The following ARL13B variants were observed in gnomAD, a reference collection of about 807,000 sequenced individuals.
ARL13B encodes the protein ADP-ribosylation factor-like protein 13B.
A neutral mutation model predicts 56.1 loss-of-function variants in ARL13B; 36 were observed. The observed-to-expected ratio is 0.64, with a 90% CI of 0.49 to 0.85. The LOEUF (loss-of-function observed/expected upper bound fraction) is 0.85. Ranked by LOEUF, ARL13B falls within the 40% of genes least tolerant of loss-of-function variation. The pLI is 0.00. For missense variants in ARL13B, 519 were observed against 507.1 expected, an observed-to-expected ratio of 1.02 and a Z score of -0.23; for synonymous variants, 178 against 171.1, an observed-to-expected ratio of 1.04 and a Z score of -0.32.
At chr3:93,999,198 C>T (rs1368818958) in intron 2 of ARL13B, among the ~76,000 whole-genome samples, 4 of 151,954 alleles carry the variant, frequency 2.6e-5, no homozygotes, top group African/African-American at 7.3e-5. Context: ...GCCTTGGCCT[C>T]CCGAAGTGTT....
At chr3:93,981,077 T>C (rs753270389) in intron 1 of ARL13B, among the ~76,000 whole-genome samples, 6 of 152,360 alleles carry the variant, frequency 3.9e-5, no homozygotes, top group Middle Eastern at 3.4e-3. Context: ...CCAATTTTTA[T>C]ACGGTCTCTA....
At chr3:94,014,326 A>G (rs892143801) in intron 3 of ARL13B, 43 of 1,367,946 alleles carry the variant, frequency 3.1e-5, no homozygotes, top group Non-Finnish European at 4.1e-5. Flanking sequence ...ACAATACAAG[A>G]CACTGAAATA....
intron 6 of ARL13B, among the ~76,000 whole-genome samples, chr3:94,040,384 G>T (rs754717873): frequency 2.0e-5 from 3 of 152,030 alleles, no homozygotes; most frequent in Non-Finnish European, 4.4e-5. Flanking sequence ...ATGCATTAGG[G>T]TACATAAACA....
intron 3 of ARL13B, among the ~76,000 whole-genome samples, chr3:94,005,639 A>G (rs546569769): frequency 6.6e-6 from 1 of 152,242 alleles, no homozygotes; most frequent in Non-Finnish European, 1.5e-5. Flanking sequence ...TCACAAAGAT[A>G]TAAGAATTAA....
intron 1 of ARL13B, chr3:93,988,620 T>A: frequency 2.1e-6 from 1 of 483,972 alleles, no homozygotes; most frequent in Non-Finnish European, 4.1e-6. Context: ...TGATAAGACA[T>A]GGTATATGAT....
intron 3 of ARL13B, among the ~76,000 whole-genome samples, chr3:94,013,067 A>G (rs750330898): frequency 6.6e-6 from 1 of 152,086 alleles, no homozygotes; most frequent in Non-Finnish European, 1.5e-5. Context: ...TTTTCTGACT[A>G]TGCCCCAGCT....
chr3:94,040,237 T>C (rs2076839156), intron 6 of ARL13B, among the ~76,000 whole-genome samples: 1 of 152,212 alleles, frequency 6.6e-6, no homozygotes, highest in East Asian at 1.9e-4. Flanking sequence ...TAAATTTGAC[T>C]GTAGCAATTA....
chr3:94,026,225 G>A (rs1007535560), intron 3 of ARL13B, among the ~76,000 whole-genome samples: 3 of 152,012 alleles, frequency 2.0e-5, no homozygotes, highest in Non-Finnish European at 4.4e-5. Context: ...TTCACCGTGT[G>A]AGCCAGGAGA....
chr3:94,025,203 A>G (rs1412748825), intron 3 of ARL13B, among the ~76,000 whole-genome samples: 1 of 151,392 alleles, frequency 6.6e-6, no homozygotes, highest in East Asian at 1.9e-4. Flanking sequence ...GGAGCCCTTT[A>G]AAATATATTA....
chr3:93,980,335 T>C lies in ARL13B; in HGVS notation c.-89T>C. ...TCCCGACTTATCCACTTTAGGGGCG[T>C]CTCGGAGTGCCGGAGGCCCCCGGGG... On this transcript the variant is annotated 5_prime_UTR_variant, in exon 1 of 10. Transcript: ENST00000394222. 1 of 1,543,382 alleles carries C rather than the reference T, an allele frequency of 6.5e-7. No homozygotes were observed. The highest frequency in any genetic ancestry group is 1.1e-5 in the South Asian group (1 of 89,858).
chr3:94,008,000 A>C (rs2076163221), intron 3 of ARL13B, among the ~76,000 whole-genome samples: 1 of 152,166 alleles, frequency 6.6e-6, no homozygotes, highest in Admixed American at 6.5e-5. Context: ...AACCCTGATA[A>C]GTCACTTTAC....
In ARL13B at chr3:94,053,378, T is replaced by C; in HGVS notation, c.*115T>C. On this transcript the variant is annotated 3_prime_UTR_variant, in exon 10 of 10. Coordinates refer to ENST00000394222, the MANE Select transcript of ARL13B (RefSeq NM_001174150.2). ...GACTGGGGCAAGATAACCATAATAA[T>C]TTTAGTGAGAAGATTAATACTCAAG... is the stretch of plus-strand genomic sequence containing the variant. 1 of 925,180 alleles carries C rather than the reference T, an allele frequency of 1.1e-6. No homozygotes were observed. The highest frequency in any genetic ancestry group is 1.7e-6 in the Non-Finnish European group (1 of 578,232). 57.3% of individuals were successfully genotyped at this position (925,180 alleles called of 1,614,324 possible).
At chr3:94,041,112 T>G (rs1217092308) in intron 6 of ARL13B, among the ~76,000 whole-genome samples, 1 of 152,042 alleles carries the variant, frequency 6.6e-6, no homozygotes, top group Admixed American at 6.6e-5. Flanking sequence ...GATTTTCTCT[T>G]TTTTTCCCCA....
intron 9 of ARL13B, among the ~76,000 whole-genome samples, chr3:94,051,855 C>A (rs778169364): frequency 6.6e-6 from 1 of 151,472 alleles, no homozygotes; most frequent in Non-Finnish European, 1.5e-5. Context: ...TGCTTTTTTC[C>A]CCCAGAATTC....
rs977503731 is a variant in ARL13B at position 94,055,158 on chromosome 3, A to T, written c.*1895A>T. The T allele has an allele frequency of 5.4e-6, 2 of 368,730 alleles. No individual in the cohort carries two copies. The highest frequency in any genetic ancestry group is 1.0e-5 in the Non-Finnish European group (2 of 191,544). The allele number at this position is 368,730 out of a possible 1,614,324, so 22.8% of individuals were successfully genotyped here. A position where few individuals can be genotyped will look rare whatever the true frequency, so the allele number is the denominator to read the frequency against. On this transcript the variant is annotated 3_prime_UTR_variant, in exon 10 of 10. Transcript: ENST00000394222. ...TCCTTAAGCATTTTAAAAACATTTT[A>T]AAAAATGTTTTGTAAATCCAGGTGT... is the stretch of plus-strand genomic sequence containing the variant.
intron 2 of ARL13B, among the ~76,000 whole-genome samples, chr3:93,998,342 T>C (rs1236721791): frequency 1.3e-5 from 2 of 152,232 alleles, no homozygotes; most frequent in Non-Finnish European, 2.9e-5. Flanking sequence ...CTTTCTCTTA[T>C]GTATTCCACC....
intron 3 of ARL13B, among the ~76,000 whole-genome samples, chr3:94,019,341 C>CA (rs1240768235): frequency 1.3e-5 from 2 of 152,082 alleles, no homozygotes; most frequent in South Asian, 4.1e-4. Context: ...GGACTACAGG[C>CA]ACATGCCACC....
At chr3:94,033,972 G>A (rs757515016) in intron 3 of ARL13B, among the ~76,000 whole-genome samples, 3 of 152,148 alleles carry the variant, frequency 2.0e-5, no homozygotes, top group Non-Finnish European at 4.4e-5. Context: ...GGGGGTGGTA[G>A]TGGGGAGGGC....
Position 94,054,993 on chromosome 3 carries a change from A to C in ARL13B, c.*1730A>C, listed in dbSNP as rs1247417458. 3.2e-6 allele frequency: 1 copy of C among 316,726 alleles called. No individual in the cohort carries two copies. Among genetic ancestry groups the C allele is most frequent in the Non-Finnish European group, 6.1e-6 (1 of 162,796 alleles). 19.6% of individuals were successfully genotyped at this position (316,726 alleles called of 1,614,324 possible). On this transcript the variant is annotated 3_prime_UTR_variant, in exon 10 of 10. Coordinates refer to ENST00000394222, the MANE Select transcript of ARL13B (RefSeq NM_001174150.2). ...TAATATTTATCTCGTTTGGGAGTAT[A>C]CGTGTTTTTAAAATTTGTGTTTTCT...
Sources: allele counts gnomAD v4.1 joint callset (sites outside exome capture counted in the v4.1 genomes callset), GRCh38; gene constraint gnomAD v4.1.1; transcripts MANE v1.5; gene names NCBI Gene and HGNC (gene_info 2026-07-23, HGNC 2026-07-21).